SMYD3: variants seen among roughly 807,000 people sequenced by gnomAD.
The protein encoded by SMYD3 is histone-lysine N-methyltransferase SMYD3.
SMYD3 carries 36 observed loss-of-function variants against 57.7 expected under a neutral mutation model. The ratio of observed to expected loss-of-function variants is 0.62; its 90% CI spans 0.48 to 0.82. The LOEUF is 0.82. Among genes scored for constraint, SMYD3 ranks in the 40% least tolerant of loss-of-function variants. The probability of loss-of-function intolerance (pLI) is 0.00; values close to 1 mark genes in which losing one functional copy is unlikely to be tolerated. For synonymous variants in SMYD3, 211 were observed against 195.0 expected, an observed-to-expected ratio of 1.08 and a Z score of -0.68; for missense variants, 515 against 538.8, an observed-to-expected ratio of 0.96 and a Z score of 0.44.
chr1:246,036,790 T>G (rs1332062532), intron 5 of SMYD3, among the ~76,000 whole-genome samples: 1 of 150,626 alleles, frequency 6.6e-6, no homozygotes, highest in Non-Finnish European at 1.5e-5. Context: ...GGTCTCAATC[T>G]CCTGACCTCG....
At chr1:246,111,516 G>A (rs946151) in intron 5 of SMYD3, 4 of 152,168 alleles carry the variant, frequency 2.6e-5, no homozygotes, top group Non-Finnish European at 5.9e-5. Context: ...TGCTCAAAAA[G>A]AAGTCTACTC....
In SMYD3 at chr1:246,325,000, G is replaced by A. The variant is rs1277747618; in HGVS notation, c.531+2201C>T. Reference sequence around the variant, plus strand: ...AGAAGGAGTCAGGGGGCGGGAAGGAGGGAGAAGGAGTCGGGGGAGCGGGAA... The same window carrying A: ...AGAAGGAGTCAGGGGGCGGGAAGGAAGGAGAAGGAGTCGGGGGAGCGGGAA... On this transcript the variant is annotated intron_variant, in intron 5 of 11. Transcript: ENST00000490107. Among the ~76,000 whole-genome samples the A allele has an allele frequency of 5.2e-5, 6 of 116,344 alleles. 1 individual carries two copies. The highest frequency in any genetic ancestry group is 7.1e-5 in the Non-Finnish European group (4 of 56,226). 76.3% of individuals were successfully genotyped at this position (116,344 alleles called of 152,430 possible).
At position 246,186,949 on chromosome 1, in the gene SMYD3, A is replaced by T. The variant is rs187471965; in HGVS notation, c.531+140252T>A. Reference sequence around the variant, plus strand: ...GAACAACTTTTCGCTGTGACTGAAGAGATGAAATGTAAAATGAGGAAACAC... The same window carrying T: ...GAACAACTTTTCGCTGTGACTGAAGTGATGAAATGTAAAATGAGGAAACAC... On this transcript the variant is annotated intron_variant, in intron 5 of 11. Coordinates refer to ENST00000490107, the MANE Select transcript of SMYD3 (RefSeq NM_001167740.2). The T allele has an allele frequency of 1.5e-5, 15 of 984,730 alleles. No individual in the cohort carries two copies. In the African/African-American group the frequency reaches 2.6e-4, roughly 17 times the overall value. 61.0% of individuals were successfully genotyped at this position (984,730 alleles called of 1,614,324 possible). A position where few individuals can be genotyped will look rare whatever the true frequency, so the allele number is the denominator to read the frequency against.
At chr1:246,440,448 T>A (rs935413815) in intron 1 of SMYD3, among the ~76,000 whole-genome samples, 6 of 152,196 alleles carry the variant, frequency 3.9e-5, no homozygotes, top group African/African-American at 1.4e-4. Flanking sequence ...TACACTGATA[T>A]GCAAACTACC....
chr1:246,482,102 G>A (rs1231607326), intron 1 of SMYD3, among the ~76,000 whole-genome samples: 1 of 151,936 alleles, frequency 6.6e-6, no homozygotes, highest in Non-Finnish European at 1.5e-5. Flanking sequence ...AGCCTGCAGT[G>A]AGCCATGATC....
At chr1:246,365,368 G>C (rs2066081656) in intron 1 of SMYD3, among the ~76,000 whole-genome samples, 1 of 150,966 alleles carries the variant, frequency 6.6e-6, no homozygotes, top group African/African-American at 2.4e-5. Context: ...GGTGTCACAA[G>C]CCTGTGGTCC....
chr1:246,132,171 A>G (rs1171556383), intron 5 of SMYD3, among the ~76,000 whole-genome samples: 1 of 152,166 alleles, frequency 6.6e-6, no homozygotes, highest in Admixed American at 6.5e-5. Context: ...TGGGAGAAGT[A>G]GTGTATATAT....
At chr1:246,133,421 C>T (rs7526153) in intron 5 of SMYD3, among the ~76,000 whole-genome samples, 50,115 of 151,768 alleles carry the variant, frequency 0.33, 10,873 homozygotes, top group African/African-American at 0.6. Context: ...CAATGAAAAA[C>T]CTGAAAAAGT....
chr1:246,272,093 T>G (rs1294405278), intron 5 of SMYD3, among the ~76,000 whole-genome samples: 1 of 152,236 alleles, frequency 6.6e-6, no homozygotes, highest in Admixed American at 6.5e-5. Context: ...ACTGTTTGTT[T>G]GTGTATAAAA....
chr1:245,956,179 A>G, intron 5 of SMYD3: 1 of 495,976 alleles, frequency 2.0e-6, no homozygotes, highest in Non-Finnish European at 2.6e-6. Context: ...GGGCCTCCCA[A>G]AGTGTTGGGA....
intron 5 of SMYD3, among the ~76,000 whole-genome samples, chr1:246,194,153 T>C (rs2062790037): frequency 6.6e-6 from 1 of 152,198 alleles, no homozygotes; most frequent in African/African-American, 2.4e-5. Context: ...AACAAAAGAT[T>C]TATTAACCTG....
At chr1:245,858,694 T>C in intron 9 of SMYD3, 24 bp from the exon 10 acceptor site, 5 of 1,599,478 alleles carry the variant, frequency 3.1e-6, no homozygotes, top group Admixed American at 1.7e-5. Flanking sequence ...TAGTTAAGGA[T>C]TCATTGTCTT....
chr1:246,150,953 T>A (rs964051089), intron 5 of SMYD3, among the ~76,000 whole-genome samples: 1 of 152,176 alleles, frequency 6.6e-6, no homozygotes, highest in African/African-American at 2.4e-5. Context: ...TTATTACTCA[T>A]AAAATATTCC....
At chr1:246,402,290 T>G (rs1319367501) in intron 1 of SMYD3, among the ~76,000 whole-genome samples, 1 of 147,360 alleles carries the variant, frequency 6.8e-6, no homozygotes, top group African/African-American at 2.5e-5. Flanking sequence ...ATTTTCCAAA[T>G]TTATAAAAGA....
intron 10 of SMYD3, among the ~76,000 whole-genome samples, chr1:245,786,761 G>C (rs2047063420): frequency 6.6e-6 from 1 of 151,588 alleles, no homozygotes; most frequent in Admixed American, 6.6e-5. Context: ...GAATCTGCCA[G>C]CATGGTTGTT....
chr1:245,919,053 A>G (rs1435026873), intron 7 of SMYD3, among the ~76,000 whole-genome samples: 1 of 152,214 alleles, frequency 6.6e-6, no homozygotes, highest in Admixed American at 6.5e-5. Context: ...ATGGGCTCCT[A>G]AAGCCTCCCT....
intron 5 of SMYD3, among the ~76,000 whole-genome samples, chr1:246,150,809 C>G (rs1223514291): frequency 6.6e-6 from 1 of 152,204 alleles, no homozygotes; most frequent in East Asian, 1.9e-4. Flanking sequence ...CAATGGCTTA[C>G]TCACTTCCCC....
chr1:246,183,587 CAA>C (rs76839106), intron 5 of SMYD3, among the ~76,000 whole-genome samples: 2 of 141,768 alleles, frequency 1.4e-5, no homozygotes, highest in Non-Finnish European at 3.1e-5. Context: ...TGTCCAGCAC[CAA>C]AAAAAAAAAG....
intron 2 of SMYD3, among the ~76,000 whole-genome samples, chr1:246,351,139 T>C (rs1054563319): frequency 6.6e-6 from 1 of 152,176 alleles, no homozygotes; most frequent in African/African-American, 2.4e-5. Flanking sequence ...AAGCATAAAA[T>C]GTAAACCCAA....
Sources: allele counts gnomAD v4.1 joint callset (sites outside exome capture counted in the v4.1 genomes callset), GRCh38; gene constraint gnomAD v4.1.1; transcripts MANE v1.5; gene names NCBI Gene and HGNC (gene_info 2026-07-23, HGNC 2026-07-21).